Variants in CFAP47 observed in about 807,000 individuals in gnomAD.
The protein encoded by CFAP47 is cilia and flagella associated protein 47.
CFAP47 carries 29 observed loss-of-function variants against 148.1 expected under a neutral mutation model. The ratio of observed to expected loss-of-function variants is 0.20; its 90% CI spans 0.15 to 0.27. The LOEUF is 0.27. Ranked by LOEUF, CFAP47 falls within the 10% of genes least tolerant of loss-of-function variation. CFAP47 has a pLI of 1.00. For missense variants in CFAP47, 1,872 were observed against 1,697.5 expected (o/e 1.10, Z -1.81); for synonymous variants, 664 against 577.3 (o/e 1.15, Z -2.15).
intron 10 of CFAP47, among the ~76,000 whole-genome samples, chrX:35,970,447 G>T (rs1936472576): frequency 9.0e-6 from 1 of 111,074 alleles, no homozygotes; most frequent in Admixed American, 9.6e-5. Flanking sequence ...TAGTTTCTTG[G>T]AGTCTTGTCT....
intron 61 of CFAP47, among the ~76,000 whole-genome samples, chrX:36,364,941 T>TAC (rs1255159820): frequency 1.1e-3 from 87 of 80,139 alleles, no homozygotes; most frequent in African/African-American, 3.6e-3. Context: ...TATATATATA[T>TAC]ATACACACAC....
intron 60 of CFAP47, among the ~76,000 whole-genome samples, chrX:36,353,970 A>G (rs919905576): frequency 8.9e-6 from 1 of 111,816 alleles, no homozygotes; most frequent in Non-Finnish European, 1.9e-5. Flanking sequence ...ACTTCCCTCA[A>G]CTTTGTTTTT....
rs187684273 is a variant in CFAP47 at position 36,112,927 on chromosome X, G to T, written c.5320+8236G>T. Among the ~76,000 whole-genome samples the T allele has an allele frequency of 3.0e-4, 33 of 111,514 alleles. No homozygotes were observed. In the East Asian group the frequency reaches 8.8e-3, roughly 30 times the overall value. The stretch of plus-strand genomic sequence containing the variant: ...GATTGCAACCCCTACTTTTATTTTT[G>T]TTTTCCATTTGCTTGGTAGATTTTT... On this transcript the variant is annotated intron_variant, in intron 33 of 63. Transcript: ENST00000378653.
At chrX:36,340,046 C>G (rs1488381325) in intron 57 of CFAP47, among the ~76,000 whole-genome samples, 3 of 111,857 alleles carry the variant, frequency 2.7e-5, no homozygotes, top group African/African-American at 9.7e-5. Context: ...TATTAAATCT[C>G]AAACATTAGC....
intron 18 of CFAP47, among the ~76,000 whole-genome samples, chrX:35,994,063 C>A (rs1174320927): frequency 9.1e-6 from 1 of 110,379 alleles, no homozygotes. Context: ...GAGATCGAGA[C>A]CATCTTGGCT....
chrX:36,384,862 T>C lies in CFAP47; in HGVS notation c.9420T>C (p.Asn3140=), dbSNP rs1299319543. 1 of 1,166,559 alleles carries C rather than the reference T, an allele frequency of 8.6e-7. No individual in the cohort carries two copies. The highest frequency in any genetic ancestry group is 1.1e-6 in the Non-Finnish European group (1 of 871,974). ...GLTPTTVPPK[N]AKAKIDATHK... ...CTCCAACTACCGTGCCACCAAAAAATGCAAAAGCCAAAATTGATGCTACTC... is the reference window on the plus strand; with the variant it reads ...CTCCAACTACCGTGCCACCAAAAAACGCAAAAGCCAAAATTGATGCTACTC... Residue 3140 remains asparagine, a synonymous_variant, in exon 64 of 64, where the codon AAT becomes AAC. Transcript: ENST00000378653.
chrX:36,175,394 G>C (rs1939658235), intron 39 of CFAP47, among the ~76,000 whole-genome samples: 1 of 111,801 alleles, frequency 8.9e-6, no homozygotes, highest in Non-Finnish European at 1.9e-5. Context: ...AGAGTTTCCA[G>C]TTTTTCTGCT....
At chrX:36,375,674 T>C (rs1942016202) in intron 62 of CFAP47, among the ~76,000 whole-genome samples, 2 of 112,567 alleles carry the variant, frequency 1.8e-5, no homozygotes, top group Non-Finnish European at 3.7e-5. Flanking sequence ...CTTTCTAGCC[T>C]TGCTAAGAAG....
chrX:35,927,641 T>C (rs1935765187), intron 2 of CFAP47, among the ~76,000 whole-genome samples: 1 of 108,664 alleles, frequency 9.2e-6, no homozygotes, highest in Non-Finnish European at 1.9e-5. Context: ...ATGTGTGTTA[T>C]TAATTTCTAC....
chrX:36,233,777 G>A (rs1228531710), intron 46 of CFAP47, among the ~76,000 whole-genome samples: 13 of 110,484 alleles, frequency 1.2e-4, no homozygotes, highest in East Asian at 8.5e-4. Flanking sequence ...CATGTTTAGC[G>A]CTTCCTTCAG....
intron 8 of CFAP47, among the ~76,000 whole-genome samples, chrX:35,959,878 CA>C (rs755201291): frequency 0.011 from 326 of 30,385 alleles, 2 homozygotes; most frequent in African/African-American, 0.031. Flanking sequence ...GACTCCGTCT[CA>C]AAAAAAAAAA....
chrX:35,949,199 T>A (rs1936129611), intron 4 of CFAP47, among the ~76,000 whole-genome samples: 1 of 107,103 alleles, frequency 9.3e-6, no homozygotes, highest in Non-Finnish European at 1.9e-5. Context: ...ATAAAATACT[T>A]TTTTTACTGA....
At chrX:36,142,793 A>G (rs1429808058) in intron 35 of CFAP47, among the ~76,000 whole-genome samples, 1 of 110,911 alleles carries the variant, frequency 9.0e-6, no homozygotes, top group East Asian at 2.8e-4. Flanking sequence ...TTACTTACTA[A>G]AACATGGTTC....
chrX:36,176,719 C>G (rs1939686546), intron 39 of CFAP47, among the ~76,000 whole-genome samples: 2 of 111,481 alleles, frequency 1.8e-5, no homozygotes, highest in Non-Finnish European at 3.8e-5. Context: ...GCCTGGCCAA[C>G]ATGGTGAAAC....
intron 17 of CFAP47, among the ~76,000 whole-genome samples, chrX:35,992,886 A>G (rs1293884729): frequency 9.0e-6 from 1 of 110,969 alleles, no homozygotes; most frequent in African/African-American, 3.3e-5. Flanking sequence ...ATCTTCTCGA[A>G]CAGAAATATC....
At position 36,075,201 on chromosome X, in the gene CFAP47, T is replaced by TTTTATTTA. The variant is rs34532797; in HGVS notation, c.4691+1874_4691+1881dup. 5.5e-3 allele frequency among the ~76,000 whole-genome samples: 585 copies of TTTTATTTA among 106,602 alleles called. 5 individuals are homozygous for TTTTATTTA. The highest frequency in any genetic ancestry group is 0.015 in the Middle Eastern group (3 of 206). The allele number at this position is 106,602 out of a possible 115,157, so 92.6% of individuals were successfully genotyped here. A position where few individuals can be genotyped will look rare whatever the true frequency, so the allele number is the denominator to read the frequency against. ...TTAATTTTAATTTTATATGTATTAT[T>TTTTATTTA]TTTATTTATTTATTTATTTATTTAT... On this transcript the variant is annotated intron_variant, in intron 29 of 63. Transcript: ENST00000378653.
In CFAP47 at chrX:35,967,774, G is replaced by C. The variant is rs765109026; in HGVS notation, c.1756G>C (p.Ala586Pro). ...CEEPVKDMLL[A>P]FPNDRAATIR... The stretch of plus-strand genomic sequence containing the variant: ...AGAGCCAGTGAAGGATATGCTATTA[G>C]CCTTTCCCAATGACCGAGCTGCAAC... Residue 586 changes from alanine (A) to proline (P), a missense_variant, in exon 10 of 64, where the codon GCC (alanine) becomes CCC (proline). Coordinates refer to ENST00000378653, the MANE Select transcript of CFAP47 (RefSeq NM_001304548.2). The C allele has an allele frequency of 1.7e-6, 2 of 1,208,864 alleles. No homozygotes were observed. Among genetic ancestry groups the C allele is most frequent in the Admixed American group, 4.4e-5 (2 of 45,733 alleles).
intron 10 of CFAP47, 130 bp downstream of exon 10, chrX:35,967,962 A>AAT (rs1936434708): frequency 3.6e-6 from 1 of 276,150 alleles, no homozygotes; most frequent in African/African-American, 3.1e-5. Context: ...ATAATAATAA[A>AAT]ACTGCAATTA....
intron 1 of CFAP47, among the ~76,000 whole-genome samples, chrX:35,925,189 A>G (rs892721211): frequency 3.6e-5 from 4 of 110,864 alleles, no homozygotes. Flanking sequence ...TGGCTAACAC[A>G]GTGAAACCCC....
Sources: allele counts gnomAD v4.1 joint callset (sites outside exome capture counted in the v4.1 genomes callset), GRCh38; gene constraint gnomAD v4.1.1; transcripts MANE v1.5; gene names NCBI Gene and HGNC (gene_info 2026-07-23, HGNC 2026-07-21).